The following ASTN1 variants were observed in gnomAD, a reference collection of about 807,000 sequenced individuals.
ASTN1 encodes the protein astrotactin 1.
ASTN1 carries 41 observed loss-of-function variants against 140.7 expected under a neutral mutation model. The observed-to-expected ratio is 0.29, with a 90% CI of 0.23 to 0.38. The LOEUF is 0.38. ASTN1 is among the 10% of genes least tolerant of loss of function. The probability of loss-of-function intolerance (pLI) is 1.00; values close to 1 mark genes in which losing one functional copy is unlikely to be tolerated. For synonymous variants in ASTN1, 640 were observed against 652.2 expected (o/e 0.98, Z 0.29); for missense variants, 1,479 against 1,678.8 (o/e 0.88, Z 2.08).
intron 1 of ASTN1, among the ~76,000 whole-genome samples, chr1:177,121,313 T>A (rs1009718903): frequency 6.6e-6 from 1 of 152,012 alleles, no homozygotes; most frequent in Non-Finnish European, 1.5e-5. Flanking sequence ...ACACAAATGA[T>A]CCATTTTCTG....
At chr1:177,098,915 C>G (rs1185442260) in intron 1 of ASTN1, among the ~76,000 whole-genome samples, 1 of 152,152 alleles carries the variant, frequency 6.6e-6, no homozygotes, top group East Asian at 1.9e-4. Flanking sequence ...GGAAGGAACA[C>G]AGATCATCTT....
intron 16 of ASTN1, among the ~76,000 whole-genome samples, chr1:176,900,398 C>T (rs1331917832): frequency 1.3e-5 from 2 of 152,232 alleles, no homozygotes. Context: ...GCAAAACGCA[C>T]TGCTAACTTC....
Position 177,110,529 on chromosome 1 carries a change from C to T in ASTN1, c.284-49264G>A, listed in dbSNP as rs561402691. 5.9e-5 allele frequency among the ~76,000 whole-genome samples: 9 copies of T among 152,268 alleles called. 1 individual carries two copies. Among genetic ancestry groups the T allele is most frequent in the African/African-American group, 2.2e-4 (9 of 41,548 alleles). On this transcript the variant is annotated intron_variant, in intron 1 of 22. Coordinates refer to ENST00000361833, the MANE Select transcript of ASTN1 (RefSeq NM_004319.3). ...TCTAGAATAAAGATTAGATTATCCC[C>T]AGAAATGGTTAGAATTATTTCTAGA...
At chr1:176,926,158 T>C (rs1442016655) in intron 16 of ASTN1, among the ~76,000 whole-genome samples, 1 of 152,082 alleles carries the variant, frequency 6.6e-6, no homozygotes, top group African/African-American at 2.4e-5. Context: ...TGTGACCACA[T>C]GCACATCATT....
intron 1 of ASTN1, among the ~76,000 whole-genome samples, chr1:177,076,278 C>CAAAAAAAAAAAAA (rs1171864161): frequency 1.3e-5 from 1 of 77,716 alleles, no homozygotes; most frequent in Non-Finnish European, 2.4e-5. Flanking sequence ...GACTATGTCT[C>CAAAAAAAAAAAAA]AAAAAAAAAA....
chr1:176,972,792 C>G (rs1057406578), intron 8 of ASTN1, among the ~76,000 whole-genome samples: 3 of 152,166 alleles, frequency 2.0e-5, no homozygotes, highest in African/African-American at 7.2e-5. Context: ...AGAAAAATAA[C>G]ACACTTGTCA....
chr1:176,958,164 G>A (rs1227201904), intron 10 of ASTN1, among the ~76,000 whole-genome samples, 181 bp downstream of exon 10: 1 of 152,204 alleles, frequency 6.6e-6, no homozygotes, highest in African/African-American at 2.4e-5. Flanking sequence ...GCCTTGGGAT[G>A]TGCAATATTG....
intron 8 of ASTN1, among the ~76,000 whole-genome samples, chr1:176,978,930 AC>A (rs1458592420): frequency 6.6e-6 from 1 of 152,124 alleles, no homozygotes. Context: ...GGAAATATTC[AC>A]TCATTTGTTC....
At chr1:177,015,839 T>C (rs1013651277) in intron 7 of ASTN1, among the ~76,000 whole-genome samples, 2 of 152,224 alleles carry the variant, frequency 1.3e-5, no homozygotes, top group South Asian at 4.1e-4. Context: ...TAATTCTTTA[T>C]GCAATGAGAT....
Position 177,044,623 on chromosome 1 carries a change from GT to G in ASTN1, c.472-11775del, listed in dbSNP as rs1308023984. Among the ~76,000 whole-genome samples, 5 of 152,208 alleles carry G rather than the reference GT, an allele frequency of 3.3e-5. No individual in the cohort carries two copies. In the East Asian group the frequency reaches 9.6e-4, roughly 29 times the overall value. On this transcript the variant is annotated intron_variant, in intron 2 of 22. Transcript: ENST00000361833. ...GCTCAACTCTGCTATTGTTTGTCAGGTTTTGATTTGCTGATGAGTGGCTCGA... is the reference window on the plus strand; with the variant it reads ...GCTCAACTCTGCTATTGTTTGTCAGGTTTGATTTGCTGATGAGTGGCTCGA...
chr1:177,056,318 T>C (rs1677801026), intron 2 of ASTN1, among the ~76,000 whole-genome samples: 2 of 152,138 alleles, frequency 1.3e-5, no homozygotes, highest in African/African-American at 4.8e-5. Flanking sequence ...CCCAACATTG[T>C]TTCTCCCAGG....
chr1:177,126,827 C>G (rs1681678875), intron 1 of ASTN1, among the ~76,000 whole-genome samples: 1 of 152,078 alleles, frequency 6.6e-6, no homozygotes, highest in African/African-American at 2.4e-5. Context: ...TGCCTCAAGC[C>G]CTGTTTTCTA....
chr1:176,971,240 C>G (rs575824592), intron 8 of ASTN1, among the ~76,000 whole-genome samples: 8 of 152,244 alleles, frequency 5.3e-5, no homozygotes, highest in African/African-American at 1.9e-4. Flanking sequence ...ATGAATTTTT[C>G]TGCTATGCAA....
Position 176,970,713 on chromosome 1 carries a change from T to C in ASTN1, c.1524-5476A>G, listed in dbSNP as rs568253006. On this transcript the variant is annotated intron_variant, in intron 8 of 22. Coordinates refer to ENST00000361833, the MANE Select transcript of ASTN1 (RefSeq NM_004319.3). ...ATGTATGTATATATGTATCTGTGTA[T>C]ATATGAATGTGGGTATGGGTGTGTG... Among the ~76,000 whole-genome samples the C allele has an allele frequency of 1.8e-4, 25 of 141,380 alleles. No homozygotes were observed. In the South Asian group the frequency reaches 5.7e-3, roughly 32 times the overall value. 92.8% of individuals were successfully genotyped at this position (141,380 alleles called of 152,430 possible). A position where few individuals can be genotyped will look rare whatever the true frequency, so the allele number is the denominator to read the frequency against.
chr1:177,117,423 C>A (rs1309714200), intron 1 of ASTN1, among the ~76,000 whole-genome samples: 2 of 152,152 alleles, frequency 1.3e-5, no homozygotes, highest in Admixed American at 1.3e-4. Flanking sequence ...TAGAATCCCA[C>A]CCAACAGATA....
chr1:176,861,057 A>C, downstream of ASTN1: 1 of 945,060 alleles, frequency 1.1e-6, no homozygotes, highest in Non-Finnish European at 1.3e-6. Flanking sequence ...CACAACATCC[A>C]CATACCCAAT....
At chr1:177,016,755 A>G (rs924162282) in intron 7 of ASTN1, among the ~76,000 whole-genome samples, 2 of 152,236 alleles carry the variant, frequency 1.3e-5, no homozygotes, top group African/African-American at 4.8e-5. Flanking sequence ...TAGAAAATAA[A>G]TTAATTAAAG....
intron 8 of ASTN1, among the ~76,000 whole-genome samples, chr1:177,011,643 ACT>A (rs1277278241): frequency 6.6e-6 from 1 of 150,606 alleles, no homozygotes; most frequent in Non-Finnish European, 1.5e-5. Context: ...CACAGGCACC[ACT>A]CACACACACA....
At chr1:177,074,113 C>T (rs927159981) in intron 1 of ASTN1, among the ~76,000 whole-genome samples, 6 of 152,008 alleles carry the variant, frequency 3.9e-5, no homozygotes, top group African/African-American at 7.2e-5. Context: ...TAAGTTATTT[C>T]CTGAATCATT....
Sources: gnomAD v4.1 joint callset for allele counts (sites outside exome capture counted in the v4.1 genomes callset) on GRCh38, gnomAD v4.1.1 for gene constraint, MANE v1.5 for transcripts, NCBI Gene and HGNC (gene_info 2026-07-23, HGNC 2026-07-21) for gene names.